The following KCNB2 variants were observed in gnomAD, a reference collection of about 807,000 sequenced individuals.
KCNB2 encodes delayed rectifier potassium channel protein.
KCNB2 carries 15 observed loss-of-function variants against 61.5 expected under a neutral mutation model. The observed-to-expected ratio is 0.24, with a 90% confidence interval of 0.16 to 0.38. The LOEUF is 0.38. Ranked by LOEUF, KCNB2 falls within the 10% of genes least tolerant of loss-of-function variation. KCNB2 has a pLI of 1.00. For synonymous variants in KCNB2, 457 were observed against 446.0 expected (o/e 1.02, Z -0.31); for missense variants, 828 against 1,125.2 (o/e 0.74, Z 3.78).
intron 2 of KCNB2, among the ~76,000 whole-genome samples, chr8:72,690,435 G>A (rs1397426840): frequency 2.6e-5 from 4 of 152,154 alleles, no homozygotes; most frequent in Non-Finnish European, 5.9e-5. Context: ...CTCCTTTAGG[G>A]AAATAAAGCC....
chr8:72,795,104 G>A (rs1017624052), intron 2 of KCNB2, among the ~76,000 whole-genome samples: 6 of 152,134 alleles, frequency 3.9e-5, no homozygotes, highest in African/African-American at 9.7e-5. Context: ...GTGTGGGATC[G>A]GTACAAGATC....
At chr8:72,746,335 G>A (rs1445964529) in intron 2 of KCNB2, among the ~76,000 whole-genome samples, 1 of 68,812 alleles carries the variant, frequency 1.5e-5, no homozygotes, top group Admixed American at 1.4e-4. Context: ...TATGAAAAGT[G>A]GTGAAAGGCA....
rs1328034791 is a variant in KCNB2 at position 72,936,100 on chromosome 8, C to A, written c.745C>A (p.Leu249Ile). 1.9e-6 allele frequency: 3 copies of A among 1,614,186 alleles called. No homozygotes were observed. Among genetic ancestry groups the A allele is most frequent in the East Asian group, 2.2e-5 (1 of 44,878 alleles). The part of the protein sequence containing the change: ...VCIAWFTMEY[L>I]LRFLSSPNKW... ...TATTGCATGGTTTACCATGGAGTAC[C>A]TTTTGCGATTCTTATCCTCACCAAA... The change falls in exon 3 of 3, where the codon CTT becomes ATT. Residue 249 changes from leucine (L) to isoleucine (I), a missense_variant. By Grantham distance (5) the Leu-to-Ile change is conservative. Transcript: ENST00000523207. The surrounding 1 kb of genome is among the most constrained non-coding windows in gnomAD (Gnocchi z 5.6).
intron 2 of KCNB2, among the ~76,000 whole-genome samples, chr8:72,741,149 T>C (rs1176535385): frequency 1.3e-5 from 2 of 152,202 alleles, no homozygotes; most frequent in African/African-American, 4.8e-5. Flanking sequence ...TCTGAACACA[T>C]TGATTTGAAA....
chr8:72,768,497 A>AT lies in KCNB2; in HGVS notation c.580-167428dup, dbSNP rs372337510. Among the ~76,000 whole-genome samples, 350 of 148,818 alleles carry AT rather than the reference A, an allele frequency of 2.4e-3. 5 individuals carry two copies. The highest frequency in any genetic ancestry group is 0.011 in the South Asian group (51 of 4,704). Reference sequence around the variant, plus strand: ...GCCATCTTTTCACTTTCTTAGTGTAATTTTTTTTTTGGTGCTGTATTATAT... The same window carrying AT: ...GCCATCTTTTCACTTTCTTAGTGTAATTTTTTTTTTTGGTGCTGTATTATAT... On this transcript the variant is annotated intron_variant, in intron 2 of 2. Coordinates refer to ENST00000523207, the MANE Select transcript of KCNB2 (RefSeq NM_004770.3).
At chr8:72,730,772 A>T (rs1807726747) in intron 2 of KCNB2, among the ~76,000 whole-genome samples, 1 of 152,236 alleles carries the variant, frequency 6.6e-6, no homozygotes, top group South Asian at 2.1e-4. Flanking sequence ...ATAACGTGTA[A>T]TTAAGCCCAA....
At chr8:72,668,420 G>A (rs1806513702) in intron 2 of KCNB2, among the ~76,000 whole-genome samples, 1 of 152,150 alleles carries the variant, frequency 6.6e-6, no homozygotes, top group South Asian at 2.1e-4. Flanking sequence ...ATCAGGCAGG[G>A]TATTCCAAGT....
Position 72,568,199 on chromosome 8 carries a change from G to A in KCNB2, c.465G>A (p.Glu155=). The change falls in exon 2 of 3, where the codon GAG becomes GAA. Residue 155 remains glutamate, a synonymous_variant. Coordinates refer to ENST00000523207, the MANE Select transcript of KCNB2 (RefSeq NM_004770.3). ...KEQMNEELRR[E]AETMREREGE... is the part of the protein sequence containing the mutation. ...AAATGAACGAAGAACTGAGGCGAGA[G>A]GCAGAGACTATGCGAGAGCGAGAAG... is the stretch of plus-strand genomic sequence containing the variant. The A allele has an allele frequency of 6.2e-7, 1 of 1,614,150 alleles. No individual in the cohort carries two copies. Among genetic ancestry groups the A allele is most frequent in the Non-Finnish European group, 8.5e-7 (1 of 1,180,034 alleles).
At chr8:72,685,610 A>G (rs149785101) in intron 2 of KCNB2, among the ~76,000 whole-genome samples, 2,077 of 152,250 alleles carry the variant, frequency 0.014, 23 homozygotes, top group Admixed American at 0.019. Context: ...GGTAACATAG[A>G]AGAGGAATGT....
At chr8:72,918,563 C>G (rs1293615509) in intron 2 of KCNB2, among the ~76,000 whole-genome samples, 1 of 152,152 alleles carries the variant, frequency 6.6e-6, no homozygotes, top group East Asian at 1.9e-4. Context: ...GTACTCAGAT[C>G]TGGGAAAATT....
intron 2 of KCNB2, among the ~76,000 whole-genome samples, chr8:72,761,125 A>G (rs981648217): frequency 1.4e-4 from 22 of 152,140 alleles, no homozygotes; most frequent in Admixed American, 1.4e-3. Flanking sequence ...AGTTTAGCCT[A>G]TGGGTTTAGG....
At chr8:72,764,156 C>T (rs1322094753) in intron 2 of KCNB2, among the ~76,000 whole-genome samples, 2 of 152,068 alleles carry the variant, frequency 1.3e-5, no homozygotes, top group Non-Finnish European at 2.9e-5. Context: ...AGGAAAGAGG[C>T]GCAGTGCCCT....
intron 2 of KCNB2, among the ~76,000 whole-genome samples, chr8:72,887,910 C>T (rs935022907): frequency 1.3e-5 from 2 of 152,212 alleles, no homozygotes; most frequent in African/African-American, 4.8e-5. Flanking sequence ...TCCTCTTCAG[C>T]CTATTCCCTG....
Position 72,836,609 on chromosome 8 carries a change from T to C in KCNB2, c.580-99326T>C, listed in dbSNP as rs141834738. Among the ~76,000 whole-genome samples the C allele has an allele frequency of 1.1e-4, 16 of 152,300 alleles. 1 individual carries two copies. Among genetic ancestry groups the C allele is most frequent in the African/African-American group, 3.8e-4 (16 of 41,568 alleles). ...TTGTACCTTCTTATTCTACTTTCAT[T>C]ACCCAAAACACTGTCAAGAGGATGG... is the stretch of plus-strand genomic sequence containing the variant. On this transcript the variant is annotated intron_variant, in intron 2 of 2. Transcript: ENST00000523207.
At chr8:72,758,742 A>C (rs896585881) in intron 2 of KCNB2, among the ~76,000 whole-genome samples, 1 of 152,206 alleles carries the variant, frequency 6.6e-6, no homozygotes, top group Non-Finnish European at 1.5e-5. Flanking sequence ...TGCAGTGAGT[A>C]CCTAATGCTT....
At chr8:72,906,781 G>C (rs114147012) in intron 2 of KCNB2, among the ~76,000 whole-genome samples, 2,041 of 152,238 alleles carry the variant, frequency 0.013, 53 homozygotes, top group African/African-American at 0.046. Flanking sequence ...GCTACCAGTT[G>C]TGACCTTGTA....
intron 1 of KCNB2, among the ~76,000 whole-genome samples, chr8:72,550,994 CTT>C (rs1806337242): frequency 6.6e-6 from 1 of 152,142 alleles, no homozygotes; most frequent in Non-Finnish European, 1.5e-5. Flanking sequence ...GAAGAAGCCT[CTT>C]TTAAGTAGCT....
At chr8:72,885,240 GA>G in intron 2 of KCNB2, among the ~76,000 whole-genome samples, 1 of 152,036 alleles carries the variant, frequency 6.6e-6, no homozygotes, top group East Asian at 1.9e-4. Flanking sequence ...TTTTACTTGG[GA>G]ATATCTCATT....
chr8:72,870,602 C>T (rs1054338419), intron 2 of KCNB2, among the ~76,000 whole-genome samples: 6 of 152,088 alleles, frequency 3.9e-5, no homozygotes, highest in Admixed American at 3.3e-4. Context: ...TTTTTTCCAC[C>T]TATGTATGAG....
Sources: gnomAD v4.1 joint callset for allele counts (sites outside exome capture counted in the v4.1 genomes callset) on GRCh38, gnomAD v4.1.1 for gene constraint, Gnocchi (gnomAD v3.1) non-coding constraint, MANE v1.5 for transcripts, NCBI Gene and HGNC (gene_info 2026-07-23, HGNC 2026-07-21) for gene names.